CKAP4: variants seen among roughly 807,000 people sequenced by gnomAD.
The protein encoded by CKAP4 is cytoskeleton-associated protein 4.
CKAP4 carries 20 observed loss-of-function variants against 24.4 expected under a neutral mutation model. The ratio of observed to expected loss-of-function variants is 0.82; its 90% CI spans 0.58 to 1.19. CKAP4 has a LOEUF of 1.19. CKAP4 is among the 50% of genes most tolerant of loss of function. The pLI, the probability that CKAP4 is intolerant of heterozygous loss-of-function variation, is 0.00. For missense variants in CKAP4, 744 were observed against 765.3 expected, an observed-to-expected ratio of 0.97 and a Z score of 0.33; for synonymous variants, 378 against 351.7, an observed-to-expected ratio of 1.07 and a Z score of -0.84.
chr12:106,246,941 G>A (rs529664376), intron 1 of CKAP4: 1 of 161,558 alleles, frequency 6.2e-6, no homozygotes, highest in Admixed American at 6.4e-5. Context: ...CCTTGCCTGA[G>A]GCTTCCAGGG....
Position 106,239,666 on chromosome 12 carries a change from C to T in CKAP4, c.1167G>A (p.Glu389=). 6.2e-7 allele frequency: 1 copy of T among 1,614,230 alleles called. No individual in the cohort carries two copies. Among genetic ancestry groups the T allele is most frequent in the Non-Finnish European group, 8.5e-7 (1 of 1,180,046 alleles). ...QLKSDSHGPK[E]DGGFRHSEAF... ...CTTCCGAGTGTCTGAAGCCTCCGTC[C>T]TCCTTCGGCCCGTGGGAATCGGACT... is the stretch of plus-strand genomic sequence containing the variant. The change falls in exon 2 of 2, where the codon GAG becomes GAA. Residue 389 remains glutamate (E), a synonymous_variant. Coordinates refer to ENST00000378026, the MANE Select transcript of CKAP4 (RefSeq NM_006825.4). The surrounding 1 kb of genome is among the most constrained non-coding windows in gnomAD (Gnocchi z 4.9).
At chr12:106,243,229 A>G (rs977772750) in intron 1 of CKAP4, among the ~76,000 whole-genome samples, 9 of 152,242 alleles carry the variant, frequency 5.9e-5, no homozygotes, top group South Asian at 4.1e-4. Flanking sequence ...CACCCTCACC[A>G]TAATCTCATG....
chr12:106,245,112 C>T (rs543900816), intron 1 of CKAP4, among the ~76,000 whole-genome samples: 1 of 152,296 alleles, frequency 6.6e-6, no homozygotes, highest in Non-Finnish European at 1.5e-5. Flanking sequence ...GTAGCCACCT[C>T]CTCTCTCTCA....
In CKAP4 at chr12:106,247,618, CT is replaced by C; in HGVS notation, c.233del (p.Lys78SerfsTer99). 9.3e-7 allele frequency: 1 copy of C among 1,076,438 alleles called. No individual in the cohort carries two copies. 66.7% of individuals were successfully genotyped at this position (1,076,438 alleles called of 1,614,324 possible). A position where few individuals can be genotyped will look rare whatever the true frequency, so the allele number is the denominator to read the frequency against. Reference sequence around the variant, plus strand: ...CGGAGGCGGAGGAGGAGGAGGAGGACTTGCCGCCGCCGCCGCCGCCGCCGCG... The same window carrying C: ...CGGAGGCGGAGGAGGAGGAGGAGGACTGCCGCCGCCGCCGCCGCCGCCGCG... ...GHRGGGGGGG[K>X]SSSSSSASAA... On this transcript the variant is annotated frameshift_variant, in exon 1 of 2. Transcript: ENST00000378026. The surrounding 1 kb of genome is among the most constrained non-coding windows in gnomAD (Gnocchi z 4.5).
In CKAP4 at chr12:106,238,952, T is replaced by C. The variant is rs2033937880; in HGVS notation, c.*72A>G. On this transcript the variant is annotated 3_prime_UTR_variant, in exon 2 of 2. Transcript: ENST00000378026. ...AAGAAATTGGGGGGTAGGGGACACA[T>C]GGGAAAAAACCACACATTTTTTGGT... The C allele has an allele frequency of 1.9e-6, 3 of 1,546,808 alleles. No individual in the cohort carries two copies. The highest frequency in any genetic ancestry group is 2.3e-5 in the East Asian group (1 of 44,398).
At chr12:106,244,127 C>T (rs1044329405) in intron 1 of CKAP4, among the ~76,000 whole-genome samples, 14 of 152,170 alleles carry the variant, frequency 9.2e-5, no homozygotes, top group African/African-American at 2.9e-4. Flanking sequence ...ACAGAGTGGC[C>T]ACATTCTATG....
In CKAP4 at chr12:106,240,309, A is replaced by G; in HGVS notation, c.524T>C (p.Ile175Thr). The change falls in exon 2 of 2, where the codon ATC becomes ACC. Residue 175 changes from isoleucine to threonine, a missense_variant. This residue lies in a region of CKAP4 where 300 missense variants were observed against 264.5 expected (regional missense o/e 1.13). Transcript: ENST00000378026. ...LQATFGTFESILRSSQHKQDL... is the reference protein window; with the variant it reads ...LQATFGTFESTLRSSQHKQDL... The stretch of plus-strand genomic sequence containing the variant: ...TTGTTTATGTTGGGAGCTTCTCAAG[A>G]TGGACTCAAAAGTTCCAAATGTGGC... 6.2e-7 allele frequency: 1 copy of G among 1,613,984 alleles called. No individual in the cohort carries two copies. Among genetic ancestry groups the G allele is most frequent in the Non-Finnish European group, 8.5e-7 (1 of 1,179,900 alleles).
At position 106,239,852 on chromosome 12, in the gene CKAP4, C is replaced by T. The variant is rs2033954779; in HGVS notation, c.981G>A (p.Glu327=). ...MESDIYTEVR[E]LVSLKQEQQA... ...GCTGCTCCTGCTTGAGGCTCACCAG[C>T]TCGCGGACCTCGGTGTAGATGTCAG... Residue 327 remains glutamate (E), a synonymous_variant, in exon 2 of 2, where the codon GAG becomes GAA. Transcript: ENST00000378026. This position sits in a 1 kb window ranked among gnomAD's most constrained non-coding sequence, Gnocchi z 4.9. 4 of 1,614,126 alleles carry T rather than the reference C, an allele frequency of 2.5e-6. No individual in the cohort carries two copies. The highest frequency in any genetic ancestry group is 2.5e-6 in the Non-Finnish European group (3 of 1,180,012).
At position 106,247,432 on chromosome 12, in the gene CKAP4, G is replaced by T; in HGVS notation, c.420C>A (p.Ser140Arg). ...VLEEVQQVRRSHQDFSRQREE... is the reference protein window; with the variant it reads ...VLEEVQQVRRRHQDFSRQREE... ...CCCTCTGCCGGGAGAAGTCCTGGTG[G>T]CTGCGCCGGACCTGCTGGACCTCCT... Residue 140 changes from serine (S) to arginine (R), a missense_variant, in exon 1 of 2, where the codon AGC becomes AGA. Around this residue, in one of 3 missense-constraint regions of CKAP4, gnomAD observed 300 missense variants for 264.5 expected, o/e 1.13. Coordinates refer to ENST00000378026, the MANE Select transcript of CKAP4 (RefSeq NM_006825.4). The surrounding 1 kb of genome is among the most constrained non-coding windows in gnomAD (Gnocchi z 4.5). 1 of 1,544,104 alleles carries T rather than the reference G, an allele frequency of 6.5e-7. No individual in the cohort carries two copies.
rs7980268 is a variant in CKAP4, at chr12:106,241,271, T to C, written c.484-922A>G. On this transcript the variant is annotated intron_variant, in intron 1 of 1. Coordinates refer to ENST00000378026, the MANE Select transcript of CKAP4 (RefSeq NM_006825.4). ...AAGGGAAGGAAAGGAAAGGAACGCT[T>C]ATCAGTTGGAAATAAATCCTAAAAT... Among the ~76,000 whole-genome samples the C allele has an allele frequency of 2.9e-3, 446 of 151,888 alleles. 2 individuals carry two copies. Among genetic ancestry groups the C allele is most frequent in the African/African-American group, 0.01 (419 of 41,416 alleles).
At position 106,237,897 on chromosome 12, in the gene CKAP4, G is replaced by A. The variant is rs1427045856; in HGVS notation, c.*1127C>T. 1 of 146,390 alleles carries A rather than the reference G, an allele frequency of 6.8e-6. No homozygotes were observed. The highest frequency in any genetic ancestry group is 2.0e-4 in the East Asian group (1 of 4,886). The allele number at this position is 146,390 out of a possible 1,614,324, so 9.1% of individuals were successfully genotyped here. A position where few individuals can be genotyped will look rare whatever the true frequency, so the allele number is the denominator to read the frequency against. On this transcript the variant is annotated 3_prime_UTR_variant, in exon 2 of 2. Transcript: ENST00000378026. Reference sequence around the variant, plus strand: ...CTGGAAAAGTCATAACAAAGCTCAAGTGTTTATTAAGAATTAAAAATACTG... The same window carrying A: ...CTGGAAAAGTCATAACAAAGCTCAAATGTTTATTAAGAATTAAAAATACTG...
At chr12:106,246,379 A>G (rs1430012273) in intron 1 of CKAP4, among the ~76,000 whole-genome samples, 1 of 152,020 alleles carries the variant, frequency 6.6e-6, no homozygotes, top group Admixed American at 6.6e-5. Context: ...CATTCTAAAC[A>G]CCATATAAAT....
chr12:106,247,589 G>A lies in CKAP4; in HGVS notation c.263C>T (p.Ala88Val). 1 of 1,409,584 alleles carries A rather than the reference G, an allele frequency of 7.1e-7. No individual in the cohort carries two copies. The highest frequency in any genetic ancestry group is 1.5e-5 in the South Asian group (1 of 68,570). The allele number at this position is 1,409,584 out of a possible 1,614,324, so 87.3% of individuals were successfully genotyped here. ...KSSSSSSASAAAAAAAASSSA... is the reference protein window; with the variant it reads ...KSSSSSSASAVAAAAAASSSA... ...GGACGAGGCGGCGGCGGCGGCAGCG[G>A]CGGCGGAGGCGGAGGAGGAGGAGGA... Residue 88 changes from alanine to valine, a missense_variant, in exon 1 of 2, where the codon GCC becomes GTC. Ala to Val is a moderately conservative substitution (Grantham distance 64). Transcript: ENST00000378026. The surrounding 1 kb of genome is among the most constrained non-coding windows in gnomAD (Gnocchi z 4.5).
intron 1 of CKAP4, among the ~76,000 whole-genome samples, chr12:106,241,866 G>A (rs1449945501): frequency 6.6e-6 from 1 of 151,946 alleles, no homozygotes; most frequent in Non-Finnish European, 1.5e-5. Context: ...TAGGGCAAGA[G>A]AGTGGTTCAC....
intron 1 of CKAP4, among the ~76,000 whole-genome samples, chr12:106,245,403 A>G (rs551221814): frequency 6.6e-6 from 1 of 152,290 alleles, no homozygotes; most frequent in African/African-American, 2.4e-5. Flanking sequence ...TTGACTAGTA[A>G]GTAGGAGGAT....
chr12:106,239,881 C>G lies in CKAP4; in HGVS notation c.952G>C (p.Glu318Gln). Reference sequence around the variant, plus strand: ...CGGACCTCGGTGTAGATGTCAGACTCCATAGTCTGAAGGGTACTTCTCAGG... The same window carrying G: ...CGGACCTCGGTGTAGATGTCAGACTGCATAGTCTGAAGGGTACTTCTCAGG... The part of the protein sequence containing the change: ...EALRSTLQTM[E>Q]SDIYTEVREL... Residue 318 changes from glutamate to glutamine, a missense_variant, in exon 2 of 2, where the codon GAG (glutamate) becomes CAG (glutamine). Glu to Gln is a conservative substitution (Grantham distance 29). Coordinates refer to ENST00000378026, the MANE Select transcript of CKAP4 (RefSeq NM_006825.4). The surrounding 1 kb of genome is among the most constrained non-coding windows in gnomAD (Gnocchi z 4.9). The G allele has an allele frequency of 6.2e-7, 1 of 1,612,972 alleles. No homozygotes were observed. Among genetic ancestry groups the G allele is most frequent in the Non-Finnish European group, 8.5e-7 (1 of 1,179,644 alleles).
In CKAP4 at chr12:106,238,955, G is replaced by T; in HGVS notation, c.*69C>A. 1 of 1,557,052 alleles carries T rather than the reference G, an allele frequency of 6.4e-7. No homozygotes were observed. On this transcript the variant is annotated 3_prime_UTR_variant, in exon 2 of 2. Transcript: ENST00000378026. ...AAATTGGGGGGTAGGGGACACATGG[G>T]AAAAAACCACACATTTTTTGGTCAT...
Position 106,247,650 on chromosome 12 carries a change from C to T in CKAP4, c.202G>A (p.Gly68Ser), listed in dbSNP as rs2034026699. 9.3e-7 allele frequency: 1 copy of T among 1,075,658 alleles called. No homozygotes were observed. The highest frequency in any genetic ancestry group is 2.6e-5 in the South Asian group (1 of 38,514). 66.6% of individuals were successfully genotyped at this position (1,075,658 alleles called of 1,614,324 possible). Reference protein sequence around the residue: ...HPQNQAHGKGGHRGGGGGGGK... With the variant: ...HPQNQAHGKGSHRGGGGGGGK... ...CCGCCGCCGCCGCCGCCGCGGTGGC[C>T]GCCCTTGCCGTGCGCCTGGTTCTGC... is the stretch of plus-strand genomic sequence containing the variant. The change falls in exon 1 of 2, where the codon GGC (glycine) becomes AGC (serine). Residue 68 changes from glycine (G) to serine (S), a missense_variant. Gly to Ser is a moderately conservative substitution (Grantham distance 56, BLOSUM62 0). Coordinates refer to ENST00000378026, the MANE Select transcript of CKAP4 (RefSeq NM_006825.4). The surrounding 1 kb of genome is among the most constrained non-coding windows in gnomAD (Gnocchi z 4.5).
Position 106,240,103 on chromosome 12 carries a change from G to A in CKAP4, c.730C>T (p.Leu244Phe). 1 of 1,614,178 alleles carries A rather than the reference G, an allele frequency of 6.2e-7. No homozygotes were observed. Among genetic ancestry groups the A allele is most frequent in the Non-Finnish European group, 8.5e-7 (1 of 1,180,036 alleles). Residue 244 changes from leucine (L) to phenylalanine (F), a missense_variant, in exon 2 of 2, where the codon CTC becomes TTC. Transcript: ENST00000378026. The stretch of plus-strand genomic sequence containing the variant: ...ATGTTGTCGTTGATGGATTTGGTGA[G>A]CTCCGTCAGCCGCTCCTCCACCGTG... ...ENTVEERLTELTKSINDNIAI... is the reference protein window; with the variant it reads ...ENTVEERLTEFTKSINDNIAI...
Sources: gnomAD v4.1 joint callset for allele counts (sites outside exome capture counted in the v4.1 genomes callset) on GRCh38, gnomAD v4.1.1 for gene constraint, gnomAD v4.1.1 regional missense constraint, Gnocchi (gnomAD v3.1) non-coding constraint, MANE v1.5 for transcripts, NCBI Gene and HGNC (gene_info 2026-07-23, HGNC 2026-07-21) for gene names.